The following IL23R variants were observed in gnomAD, a reference collection of about 807,000 sequenced individuals.
IL23R encodes the protein interleukin-23 receptor.
IL23R carries 34 observed loss-of-function variants against 56.9 expected under a neutral mutation model. That is an observed-to-expected ratio of 0.60 (90% confidence interval 0.45 to 0.80). The LOEUF is 0.80. Ranked by LOEUF, IL23R falls within the 30% of genes least tolerant of loss-of-function variation. The probability of loss-of-function intolerance (pLI) is 0.00; values close to 1 mark genes in which losing one functional copy is unlikely to be tolerated. For synonymous variants in IL23R, 230 were observed against 249.2 expected, an observed-to-expected ratio of 0.92 and a Z score of 0.73; for missense variants, 635 against 730.0, an observed-to-expected ratio of 0.87 and a Z score of 1.50.
At chr1:67,190,434 AAAAAAAAAACC>A (rs1006465139) in intron 4 of IL23R, among the ~76,000 whole-genome samples, 3 of 98,518 alleles carry the variant, frequency 3.0e-5, no homozygotes, top group African/African-American at 8.7e-5. Context: ...ATGATAGGGA[AAAAAAAAAACC>A]AAAAAAAAAA....
intron 6 of IL23R, among the ~76,000 whole-genome samples, chr1:67,208,082 C>A (rs1441998062): frequency 6.6e-6 from 1 of 152,160 alleles, no homozygotes; most frequent in East Asian, 1.9e-4. Context: ...TTTGCCCCTG[C>A]CCTAGAGATC....
chr1:67,253,839 A>G (rs1171078354), intron 9 of IL23R, among the ~76,000 whole-genome samples: 1 of 152,190 alleles, frequency 6.6e-6, no homozygotes, highest in Non-Finnish European at 1.5e-5. Flanking sequence ...AACTAAGAAT[A>G]GCCTAAAAAC....
intron 4 of IL23R, among the ~76,000 whole-genome samples, chr1:67,195,178 GCCTGCCACCACA>G (rs1648041922): frequency 6.6e-6 from 1 of 152,064 alleles, no homozygotes; most frequent in Non-Finnish European, 1.5e-5. Context: ...GAGGACAGGT[GCCTGCCACCACA>G]CCTGGCTAAT....
At chr1:67,214,432 G>A (rs1043930463) in intron 6 of IL23R, among the ~76,000 whole-genome samples, 8 of 152,146 alleles carry the variant, frequency 5.3e-5, no homozygotes, top group Non-Finnish European at 8.8e-5. Flanking sequence ...AATACTACCT[G>A]TCACAAAGGA....
At chr1:67,138,932 C>A (rs6693659) in exon 1 of IL23R, 9,934 of 152,448 alleles carry the variant, frequency 0.065, 494 homozygotes, top group African/African-American at 0.14. Flanking sequence ...AGGGCCCAGA[C>A]AATTTTATTC....
intron 1 of IL23R, among the ~76,000 whole-genome samples, chr1:67,146,321 C>T (rs569781000): frequency 4.7e-4 from 72 of 152,248 alleles, no homozygotes; most frequent in African/African-American, 1.6e-3. Flanking sequence ...ATGCTAATGC[C>T]GCTGGTACCT....
At chr1:67,187,933 T>A (rs1028702533) in intron 4 of IL23R, among the ~76,000 whole-genome samples, 1 of 152,048 alleles carries the variant, frequency 6.6e-6, no homozygotes, top group South Asian at 2.1e-4. Context: ...GGGCATGTAA[T>A]CCCAGCTACT....
chr1:67,141,053 G>C (rs9724915), intron 1 of IL23R, among the ~76,000 whole-genome samples: 4,801 of 152,136 alleles, frequency 0.032, 249 homozygotes, highest in African/African-American at 0.11. Flanking sequence ...TGATGCAGCT[G>C]TTACAAGAGG....
chr1:67,201,090 T>A (rs1648592865), intron 5 of IL23R, among the ~76,000 whole-genome samples, 193 bp downstream of exon 5: 1 of 149,598 alleles, frequency 6.7e-6, no homozygotes, highest in South Asian at 2.2e-4. Context: ...TTGTTGTATA[T>A]CCTTCCAGTC....
At chr1:67,191,779 TCTTA>T (rs1361757049) in intron 4 of IL23R, among the ~76,000 whole-genome samples, 4 of 152,220 alleles carry the variant, frequency 2.6e-5, no homozygotes, top group Non-Finnish European at 4.4e-5. Flanking sequence ...TCAGTCTTTA[TCTTA>T]CTTATGAAAC....
intron 5 of IL23R, among the ~76,000 whole-genome samples, chr1:67,203,625 C>G (rs1180668050): frequency 6.6e-6 from 1 of 152,162 alleles, no homozygotes. Context: ...GAGGCCCCAG[C>G]CAACAAAACC....
chr1:67,228,201 C>CCTTCCTTCCTTCCTT (rs1650861398), intron 7 of IL23R, among the ~76,000 whole-genome samples: 4 of 76,302 alleles, frequency 5.2e-5, no homozygotes, highest in Non-Finnish European at 8.3e-5. Flanking sequence ...CTTCCTTCCT[C>CCTTCCTTCCTTCCTT]CCTTCTTTTT....
chr1:67,139,865 G>A (rs1646619559), intron 1 of IL23R, among the ~76,000 whole-genome samples: 1 of 152,136 alleles, frequency 6.6e-6, no homozygotes, highest in Admixed American at 6.6e-5. Context: ...AAAGGTTCTT[G>A]GGTCATAAGG....
Position 67,236,576 on chromosome 1 carries a change from TTTA to T in IL23R, c.956-134_956-132del, listed in dbSNP as rs1651488649. On this transcript the variant is annotated intron_variant, in intron 7 of 10. Coordinates refer to ENST00000347310, the MANE Select transcript of IL23R (RefSeq NM_144701.3). Reference sequence around the variant, plus strand: ...AGACACATACTCGAAGACTATTGCTTTTATTCCACCCTTCAAGCCCATTAAAGT... The same window carrying T: ...AGACACATACTCGAAGACTATTGCTTTTCCACCCTTCAAGCCCATTAAAGT... 6.5e-5 allele frequency: 44 copies of T among 679,976 alleles called. No homozygotes were observed. In the South Asian group the frequency reaches 6.9e-4, roughly 11 times the overall value. The allele number at this position is 679,976 out of a possible 1,614,324, so 42.1% of individuals were successfully genotyped here. A position where few individuals can be genotyped will look rare whatever the true frequency, so the allele number is the denominator to read the frequency against.
At chr1:67,188,104 A>C (rs1647479104) in intron 4 of IL23R, among the ~76,000 whole-genome samples, 1 of 152,222 alleles carries the variant, frequency 6.6e-6, no homozygotes, top group Non-Finnish European at 1.5e-5. Context: ...AGTCACTTAA[A>C]TAGACATGGA....
At chr1:67,240,156 T>G (rs767648652) in intron 8 of IL23R, 23 bp from the exon 9 acceptor site, 3 of 1,469,154 alleles carry the variant, frequency 2.0e-6, no homozygotes, top group Non-Finnish European at 2.9e-6. Flanking sequence ...TTGGTTAAAA[T>G]TATTTTTCTT....
chr1:67,176,445 C>CT (rs145810507), intron 3 of IL23R, among the ~76,000 whole-genome samples: 3,070 of 148,016 alleles, frequency 0.021, 94 homozygotes, highest in African/African-American at 0.071. Flanking sequence ...CTTCATATTT[C>CT]TTTTTTTTTT....
intron 9 of IL23R, among the ~76,000 whole-genome samples, chr1:67,246,819 C>G (rs936473743): frequency 2.0e-5 from 3 of 152,124 alleles, no homozygotes; most frequent in African/African-American, 7.2e-5. Flanking sequence ...CTGTAGATGT[C>G]TATAGGTCCC....
chr1:67,239,276 G>T (rs927243767), intron 8 of IL23R, among the ~76,000 whole-genome samples: 31 of 152,242 alleles, frequency 2.0e-4, no homozygotes, highest in Middle Eastern at 3.4e-3. Context: ...TTGTTTGTTT[G>T]TTTTTGAGAC....
Sources: allele counts gnomAD v4.1 joint callset (sites outside exome capture counted in the v4.1 genomes callset), GRCh38; gene constraint gnomAD v4.1.1; transcripts MANE v1.5; gene names NCBI Gene and HGNC (gene_info 2026-07-23, HGNC 2026-07-21).